Variants in GRID2 observed in about 807,000 individuals in gnomAD.
GRID2 encodes glutamate receptor ionotropic, delta-2.
Under a neutral mutation model 114.8 loss-of-function variants are expected in GRID2, and 33 were observed. The ratio of observed to expected loss-of-function variants is 0.29; its 90% CI spans 0.22 to 0.38. The LOEUF (loss-of-function observed/expected upper bound fraction) is 0.38. GRID2 is among the 10% of genes least tolerant of loss of function. The pLI is 1.00. For missense variants in GRID2, 1,184 were observed against 1,257.7 expected (o/e 0.94, Z 0.89); for synonymous variants, 505 against 449.9 (o/e 1.12, Z -1.55).
At chr4:93,576,587 T>G (rs1237874964) in intron 13 of GRID2, among the ~76,000 whole-genome samples, 2 of 152,240 alleles carry the variant, frequency 1.3e-5, no homozygotes, top group Non-Finnish European at 2.9e-5. Flanking sequence ...TAGAAGCTAT[T>G]AAATTATCTA....
intron 2 of GRID2, among the ~76,000 whole-genome samples, chr4:93,076,245 C>T (rs1729284263): frequency 6.6e-6 from 1 of 151,586 alleles, no homozygotes; most frequent in South Asian, 2.1e-4. Context: ...AATAGCATGG[C>T]GGTGGGAGAG....
intron 4 of GRID2, among the ~76,000 whole-genome samples, chr4:93,119,678 T>C (rs549391013): frequency 1.1e-4 from 17 of 152,274 alleles, no homozygotes; most frequent in Admixed American, 1.0e-3. Flanking sequence ...TACTATACCC[T>C]AGGTTCATTG....
intron 13 of GRID2, among the ~76,000 whole-genome samples, chr4:93,584,159 T>C (rs938566195): frequency 6.6e-6 from 1 of 152,156 alleles, no homozygotes; most frequent in Non-Finnish European, 1.5e-5. Context: ...TGAATTTACC[T>C]TGGGAAAAAA....
At position 93,081,435 on chromosome 4, in the gene GRID2, T is replaced by C. The variant is rs189911669; in HGVS notation, c.245-3560T>C. On this transcript the variant is annotated intron_variant, in intron 2 of 15. Coordinates refer to ENST00000282020, the MANE Select transcript of GRID2 (RefSeq NM_001510.4). ...ATGAATATATCTTAGCTTAAATGGA[T>C]ACATTTATAGAGCAGAATTAAATTC... is the stretch of plus-strand genomic sequence containing the variant. 4.9e-4 allele frequency among the ~76,000 whole-genome samples: 75 copies of C among 152,302 alleles called. No homozygotes were observed. In the Middle Eastern group the frequency reaches 0.024, roughly 48 times the overall value.
intron 10 of GRID2, among the ~76,000 whole-genome samples, chr4:93,424,261 C>T (rs1022810517): frequency 7.3e-5 from 11 of 151,360 alleles, no homozygotes; most frequent in South Asian, 6.3e-4. Context: ...ACTTATCTAC[C>T]GTGTCTGGGG....
chr4:92,637,340 T>A (rs939183262), intron 2 of GRID2, among the ~76,000 whole-genome samples: 2 of 152,056 alleles, frequency 1.3e-5, no homozygotes, highest in African/African-American at 4.8e-5. Context: ...GAAGAAGTTA[T>A]AAGCAGTATG....
intron 4 of GRID2, among the ~76,000 whole-genome samples, chr4:93,163,792 G>A (rs951891781): frequency 5.3e-5 from 8 of 152,008 alleles, no homozygotes; most frequent in African/African-American, 1.7e-4. Context: ...GGCAGAAATA[G>A]TAGACTGTGG....
At chr4:93,746,280 C>A (rs924242621) in intron 14 of GRID2, among the ~76,000 whole-genome samples, 22 of 151,986 alleles carry the variant, frequency 1.4e-4, no homozygotes, top group Non-Finnish European at 2.1e-4. Context: ...AAAGTAAATA[C>A]CATAATACAA....
chr4:93,333,275 G>A (rs781304561), intron 8 of GRID2, among the ~76,000 whole-genome samples: 9 of 152,080 alleles, frequency 5.9e-5, no homozygotes, highest in Non-Finnish European at 1.2e-4. Flanking sequence ...AGAAGGTATA[G>A]AATGAAGCTT....
At chr4:93,732,001 A>G (rs1288851051) in intron 14 of GRID2, among the ~76,000 whole-genome samples, 1 of 152,236 alleles carries the variant, frequency 6.6e-6, no homozygotes, top group Non-Finnish European at 1.5e-5. Flanking sequence ...ATAATTTATT[A>G]CACATTAATA....
intron 2 of GRID2, among the ~76,000 whole-genome samples, chr4:92,842,652 AG>A (rs550541147): frequency 3.5e-4 from 53 of 152,216 alleles, no homozygotes; most frequent in African/African-American, 1.3e-3. Flanking sequence ...CTCCTTGCCT[AG>A]AAGAGCCATC....
At chr4:92,922,313 C>A (rs1039794093) in intron 2 of GRID2, among the ~76,000 whole-genome samples, 3 of 152,122 alleles carry the variant, frequency 2.0e-5, no homozygotes, top group African/African-American at 7.2e-5. Context: ...CAATGACTCA[C>A]CCTGCTTCGG....
At chr4:92,349,597 G>C (rs947970945) in intron 1 of GRID2, among the ~76,000 whole-genome samples, 2 of 151,014 alleles carry the variant, frequency 1.3e-5, no homozygotes, top group African/African-American at 4.9e-5. Context: ...TTTATAATAA[G>C]CAACTCAAAT....
intron 12 of GRID2, among the ~76,000 whole-genome samples, chr4:93,508,299 C>T (rs538662262): frequency 5.6e-4 from 84 of 150,480 alleles, no homozygotes; most frequent in Non-Finnish European, 9.1e-4. Context: ...CGGGTTCAAG[C>T]GATTCTCCTG....
chr4:93,721,631 T>C (rs1216861351), intron 14 of GRID2, among the ~76,000 whole-genome samples: 2 of 152,186 alleles, frequency 1.3e-5, no homozygotes, highest in African/African-American at 4.8e-5. Context: ...GGTGTGAGTA[T>C]TGGAAATAAT....
intron 1 of GRID2, among the ~76,000 whole-genome samples, chr4:92,424,537 AT>A (rs1732060846): frequency 6.6e-6 from 1 of 152,052 alleles, no homozygotes; most frequent in Non-Finnish European, 1.5e-5. Flanking sequence ...TGGAAGTAAT[AT>A]TTTATGAACA....
intron 13 of GRID2, among the ~76,000 whole-genome samples, chr4:93,552,765 T>A (rs1450310579): frequency 1.3e-5 from 2 of 152,092 alleles, no homozygotes; most frequent in Non-Finnish European, 2.9e-5. Context: ...GTATTTCTCC[T>A]AATGCTACCC....
At chr4:92,414,126 A>C (rs957497115) in intron 1 of GRID2, among the ~76,000 whole-genome samples, 5 of 152,200 alleles carry the variant, frequency 3.3e-5, no homozygotes, top group African/African-American at 1.2e-4. Context: ...GTAGACTGGA[A>C]ATGATTAGCT....
intron 4 of GRID2, among the ~76,000 whole-genome samples, chr4:93,144,995 C>G (rs1268577654): frequency 6.6e-6 from 1 of 152,154 alleles, no homozygotes; most frequent in African/African-American, 2.4e-5. Flanking sequence ...GACCTGATTT[C>G]TGTTCCTTGA....
Sources: gnomAD v4.1 joint callset for allele counts (sites outside exome capture counted in the v4.1 genomes callset) on GRCh38, gnomAD v4.1.1 for gene constraint, MANE v1.5 for transcripts, NCBI Gene and HGNC (gene_info 2026-07-23, HGNC 2026-07-21) for gene names.